The following MAGI1 variants were observed in gnomAD, a reference collection of about 807,000 sequenced individuals.
The protein encoded by MAGI1 is membrane-associated guanylate kinase, WW and PDZ domain-containing protein 1.
MAGI1 carries 58 observed loss-of-function variants against 139.9 expected under a neutral mutation model. The ratio of observed to expected loss-of-function variants is 0.41; its 90% CI spans 0.34 to 0.52. The LOEUF is 0.52. Ranked by LOEUF, MAGI1 falls within the 20% of genes least tolerant of loss-of-function variation. MAGI1 has a pLI of 0.12. For missense variants in MAGI1, 1,874 were observed against 1,901.6 expected (o/e 0.99, Z 0.27); for synonymous variants, 812 against 737.9 (o/e 1.10, Z -1.63).
chr3:65,910,516 G>A (rs1408610694), intron 1 of MAGI1, among the ~76,000 whole-genome samples: 2 of 152,092 alleles, frequency 1.3e-5, no homozygotes, highest in Non-Finnish European at 2.9e-5. Context: ...CATACTAATC[G>A]AAGTGGTTGT....
At chr3:65,904,573 C>T (rs1273452405) in intron 1 of MAGI1, among the ~76,000 whole-genome samples, 1 of 152,212 alleles carries the variant, frequency 6.6e-6, no homozygotes, top group African/African-American at 2.4e-5. Context: ...GCTCTGCCCA[C>T]TTCTAGGATG....
At chr3:65,971,664 A>C (rs1056116589) in intron 1 of MAGI1, among the ~76,000 whole-genome samples, 2 of 152,168 alleles carry the variant, frequency 1.3e-5, no homozygotes, top group Non-Finnish European at 2.9e-5. Context: ...TATCATCTAC[A>C]AAGACTCGTG....
At chr3:65,834,396 T>G (rs1479657051) in intron 1 of MAGI1, among the ~76,000 whole-genome samples, 1 of 152,264 alleles carries the variant, frequency 6.6e-6, no homozygotes, top group African/African-American at 2.4e-5. Flanking sequence ...TAGCTGGAGC[T>G]ATCTTTCTCT....
intron 1 of MAGI1, among the ~76,000 whole-genome samples, chr3:65,964,744 T>C (rs961159489): frequency 6.6e-5 from 10 of 152,134 alleles, no homozygotes; most frequent in African/African-American, 2.4e-4. Flanking sequence ...CTGACCAGAA[T>C]CCCCAGGAAT....
chr3:65,762,422 G>A (rs1446930101), intron 1 of MAGI1, among the ~76,000 whole-genome samples: 1 of 151,952 alleles, frequency 6.6e-6, no homozygotes, highest in Non-Finnish European at 1.5e-5. Flanking sequence ...CTGCACAGCA[G>A]GTGGACAAGT....
intron 2 of MAGI1, among the ~76,000 whole-genome samples, chr3:65,508,264 C>T (rs1396521906): frequency 6.6e-6 from 1 of 151,928 alleles, no homozygotes; most frequent in African/African-American, 2.4e-5. Context: ...GTTAGCCGGG[C>T]GTGGCAGTGG....
intron 1 of MAGI1, among the ~76,000 whole-genome samples, chr3:65,822,534 G>T (rs1456900589): frequency 6.6e-6 from 1 of 151,888 alleles, no homozygotes; most frequent in Admixed American, 6.6e-5. Context: ...TCTCAAAAAA[G>T]TAAAAAATAA....
At chr3:65,744,275 C>T (rs1432820915) in intron 1 of MAGI1, among the ~76,000 whole-genome samples, 1 of 152,178 alleles carries the variant, frequency 6.6e-6, no homozygotes, top group Non-Finnish European at 1.5e-5. Flanking sequence ...ATCTATAGAT[C>T]ACCCAATGTC....
chr3:65,606,994 G>A (rs2082775367), intron 2 of MAGI1, among the ~76,000 whole-genome samples: 1 of 152,078 alleles, frequency 6.6e-6, no homozygotes. Flanking sequence ...TTGAAACCCA[G>A]ATACTGGTCA....
chr3:65,655,840 C>T (rs1443809791), intron 1 of MAGI1, among the ~76,000 whole-genome samples: 1 of 152,212 alleles, frequency 6.6e-6, no homozygotes, highest in Non-Finnish European at 1.5e-5. Flanking sequence ...AATTCCAATT[C>T]CAATGCCCAG....
At chr3:65,889,857 T>C (rs190124848) in intron 1 of MAGI1, among the ~76,000 whole-genome samples, 26 of 152,162 alleles carry the variant, frequency 1.7e-4, no homozygotes, top group Non-Finnish European at 2.8e-4. Flanking sequence ...TACTGGTATA[T>C]ACAGAAATGT....
At chr3:65,383,341 A>C (rs952667084) in intron 15 of MAGI1, among the ~76,000 whole-genome samples, 191 bp downstream of exon 15, 1 of 152,210 alleles carries the variant, frequency 6.6e-6, no homozygotes. Context: ...ACTTTTTAGA[A>C]AGAATCTAGT....
intron 1 of MAGI1, among the ~76,000 whole-genome samples, chr3:65,763,973 G>A (rs2037257816): frequency 6.6e-6 from 1 of 151,176 alleles, no homozygotes; most frequent in Admixed American, 6.6e-5. Flanking sequence ...TGGGGAGGCT[G>A]AGGTGAGAGG....
At chr3:65,472,234 T>A (rs1256796827) in intron 4 of MAGI1, among the ~76,000 whole-genome samples, 1 of 151,724 alleles carries the variant, frequency 6.6e-6, no homozygotes, top group Non-Finnish European at 1.5e-5. Flanking sequence ...ATTAAAGGAG[T>A]CACCTTTAAT....
chr3:66,004,693 G>GA (rs1316149727), intron 1 of MAGI1, among the ~76,000 whole-genome samples: 3 of 152,062 alleles, frequency 2.0e-5, no homozygotes, highest in African/African-American at 2.4e-5. Context: ...CCAACTTTGG[G>GA]AAAAAAATGC....
chr3:65,927,844 T>G (rs2062598749), intron 1 of MAGI1, among the ~76,000 whole-genome samples: 1 of 152,046 alleles, frequency 6.6e-6, no homozygotes, highest in Non-Finnish European at 1.5e-5. Flanking sequence ...GATCCTGTCC[T>G]CACAGTGAGC....
intron 1 of MAGI1, among the ~76,000 whole-genome samples, chr3:65,771,915 T>C (rs982746671): frequency 1.3e-5 from 2 of 152,134 alleles, no homozygotes; most frequent in East Asian, 1.9e-4. Flanking sequence ...GCATCTTTTA[T>C]AACCTGGCCA....
At chr3:65,845,973 C>T (rs776641211) in intron 1 of MAGI1, among the ~76,000 whole-genome samples, 30 of 152,056 alleles carry the variant, frequency 2.0e-4, no homozygotes, top group Admixed American at 3.9e-4. Flanking sequence ...GGTAGACAGC[C>T]GGGCTAAAAA....
chr3:65,445,639 TACCCTATAATTCC>T (rs1948630460), intron 7 of MAGI1, among the ~76,000 whole-genome samples: 1 of 152,210 alleles, frequency 6.6e-6, no homozygotes, highest in African/African-American at 2.4e-5. Context: ...ACCACATGGA[TACCCTATAATTCC>T]AAAAGAAGGT....
Sources: gnomAD v4.1 joint callset for allele counts (sites outside exome capture counted in the v4.1 genomes callset) on GRCh38, gnomAD v4.1.1 for gene constraint, MANE v1.5 for transcripts, NCBI Gene and HGNC (gene_info 2026-07-23, HGNC 2026-07-21) for gene names.